Variants in FRMPD4 observed in about 807,000 individuals in gnomAD.
FRMPD4 encodes the protein FERM and PDZ domain-containing protein 4.
A neutral mutation model predicts 94.1 loss-of-function variants in FRMPD4; 22 were observed. That is an observed-to-expected ratio of 0.23 (90% CI 0.17 to 0.33). The LOEUF (loss-of-function observed/expected upper bound fraction) is 0.33. Ranked by LOEUF, FRMPD4 falls within the 10% of genes least tolerant of loss-of-function variation. The pLI is 1.00. For synonymous variants in FRMPD4, 631 were observed against 548.6 expected (o/e 1.15, Z -2.10); for missense variants, 1,111 against 1,339.9 (o/e 0.83, Z 2.67).
intron 2 of FRMPD4, among the ~76,000 whole-genome samples, chrX:12,501,942 A>G (rs931951423): frequency 1.8e-5 from 2 of 112,091 alleles, no homozygotes; most frequent in African/African-American, 6.5e-5. Flanking sequence ...CTATAGAGTT[A>G]CTGATTCACG....
chrX:12,590,088 C>T (rs2058967921), intron 2 of FRMPD4, among the ~76,000 whole-genome samples: 1 of 112,437 alleles, frequency 8.9e-6, no homozygotes, highest in East Asian at 2.8e-4. Flanking sequence ...TAACTTTCAT[C>T]TGGTGTTTGT....
chrX:11,910,149 T>G (rs2147336068), intron 3 of FRMPD4, among the ~76,000 whole-genome samples: 1 of 111,747 alleles, frequency 8.9e-6, no homozygotes, highest in East Asian at 2.8e-4. Context: ...ATTTCAAGAA[T>G]CTTAATATTT....
Position 12,721,461 on chromosome X carries a change from G to A in FRMPD4, c.4892G>A (p.Arg1631His), listed in dbSNP as rs2042238432. The A allele has an allele frequency of 1.3e-6, 1 of 754,976 alleles. No homozygotes were observed. The highest frequency in any genetic ancestry group is 1.6e-6 in the Non-Finnish European group (1 of 638,566). 62.2% of individuals were successfully genotyped at this position (754,976 alleles called of 1,213,427 possible). Reference protein sequence around the residue: ...RATKEKREESRPEAYDLTLSQ... With the variant: ...RATKEKREESHPEAYDLTLSQ... Reference sequence around the variant, plus strand: ...ACCAAGGAGAAGAGGGAGGAGTCACGCCCTGAAGCGTACGACCTTACACTT... The same window carrying A: ...ACCAAGGAGAAGAGGGAGGAGTCACACCCTGAAGCGTACGACCTTACACTT... The change falls in exon 17 of 17, where the codon CGC (arginine) becomes CAC (histidine). Residue 1631 changes from arginine (R) to histidine (H), a missense_variant. Coordinates refer to ENST00000675598, the MANE Select transcript of FRMPD4 (RefSeq NM_001368397.1).
chrX:12,542,284 C>T (rs181613901), intron 2 of FRMPD4, among the ~76,000 whole-genome samples: 6 of 111,453 alleles, frequency 5.4e-5, no homozygotes, highest in Admixed American at 9.5e-5. Context: ...AATTAGGAAA[C>T]GAGGAAGTCA....
intron 1 of FRMPD4, among the ~76,000 whole-genome samples, chrX:12,424,404 C>G (rs1569271035): frequency 8.9e-6 from 1 of 112,591 alleles, no homozygotes; most frequent in East Asian, 2.8e-4. Flanking sequence ...TTTCATATTT[C>G]TCAAGAAGCT....
intron 3 of FRMPD4, among the ~76,000 whole-genome samples, chrX:11,895,430 A>G (rs1303026003): frequency 9.0e-6 from 1 of 111,503 alleles, no homozygotes; most frequent in Non-Finnish European, 1.9e-5. Context: ...ACTGTTAGGA[A>G]GAGTGAATGA....
intron 1 of FRMPD4, among the ~76,000 whole-genome samples, chrX:11,826,447 A>C (rs181692936): frequency 1.8e-5 from 2 of 111,700 alleles, no homozygotes; most frequent in Non-Finnish European, 3.8e-5. Flanking sequence ...AGGGGGCGAA[A>C]AGACATTAGG....
chrX:12,092,716 A>G (rs1288373510), intron 3 of FRMPD4, among the ~76,000 whole-genome samples: 2 of 111,819 alleles, frequency 1.8e-5, no homozygotes, highest in Non-Finnish European at 3.8e-5. Flanking sequence ...TCCAACGAAC[A>G]TTACTGAGCC....
At chrX:12,343,450 T>C (rs1489790565) in intron 1 of FRMPD4, among the ~76,000 whole-genome samples, 1 of 110,068 alleles carries the variant, frequency 9.1e-6, no homozygotes, top group Non-Finnish European at 1.9e-5. Context: ...AAGAAAGAGG[T>C]CAGGCCTATA....
At chrX:12,392,081 T>C (rs1312828915) in intron 1 of FRMPD4, among the ~76,000 whole-genome samples, 1 of 109,774 alleles carries the variant, frequency 9.1e-6, no homozygotes, top group Non-Finnish European at 1.9e-5. Flanking sequence ...TCGCCCAGGC[T>C]GCAGTGCAGT....
intron 1 of FRMPD4, among the ~76,000 whole-genome samples, chrX:12,471,807 G>A (rs762085157): frequency 3.7e-4 from 42 of 112,194 alleles, no homozygotes; most frequent in African/African-American, 1.3e-3. Context: ...CTCTTGACAA[G>A]TGTCTCACAT....
At chrX:12,143,943 T>G (rs958663746) in intron 1 of FRMPD4, among the ~76,000 whole-genome samples, 1 of 112,055 alleles carries the variant, frequency 8.9e-6, no homozygotes, top group African/African-American at 3.2e-5. Flanking sequence ...CTGATATTTT[T>G]GGGGAGCTGG....
rs971348669 is a variant in FRMPD4 at position 12,063,529 on chromosome X, A to G, written c.95+185511A>G. Among the ~76,000 whole-genome samples the G allele has an allele frequency of 6.2e-5, 7 of 112,970 alleles. No individual in the cohort carries two copies. In the Admixed American group the frequency reaches 6.5e-4, roughly 11 times the overall value. ...AACAGAGTAATGCAATTAAATCCATATATACATTTTAAAATAATGATTGCA... is the reference window on the plus strand; with the variant it reads ...AACAGAGTAATGCAATTAAATCCATGTATACATTTTAAAATAATGATTGCA... On this transcript the variant is annotated intron_variant, in intron 3 of 18. Coordinates refer to the FRMPD4 transcript ENST00000640291.
At chrX:12,594,542 TCTC>T (rs1390473856) in intron 2 of FRMPD4, among the ~76,000 whole-genome samples, 1 of 110,609 alleles carries the variant, frequency 9.0e-6, no homozygotes, top group Non-Finnish European at 1.9e-5. Context: ...TTCACACCGT[TCTC>T]CTGCCTCAGC....
intron 1 of FRMPD4, among the ~76,000 whole-genome samples, chrX:12,321,517 G>A (rs1380872385): frequency 8.9e-6 from 1 of 112,125 alleles, no homozygotes; most frequent in Admixed American, 9.5e-5. Flanking sequence ...CCCAACTGTA[G>A]GCTAATGTAA....
At chrX:12,584,208 C>G (rs1257320268) in intron 2 of FRMPD4, among the ~76,000 whole-genome samples, 1 of 112,482 alleles carries the variant, frequency 8.9e-6, no homozygotes, top group African/African-American at 3.2e-5. Context: ...TCTGGCTCGT[C>G]TCTAAATAAA....
At chrX:12,589,824 C>A (rs2058965305) in intron 2 of FRMPD4, among the ~76,000 whole-genome samples, 2 of 111,709 alleles carry the variant, frequency 1.8e-5, no homozygotes, top group Admixed American at 1.9e-4. Flanking sequence ...TTTCTTTTTT[C>A]TTTCCTTCAC....
chrX:12,671,342 C>A (rs2059840737), intron 4 of FRMPD4, among the ~76,000 whole-genome samples: 1 of 111,705 alleles, frequency 9.0e-6, no homozygotes, highest in African/African-American at 3.3e-5. Flanking sequence ...ACCCAAATGC[C>A]CATCAATGAT....
At chrX:12,091,953 A>G (rs2055157123) in intron 3 of FRMPD4, among the ~76,000 whole-genome samples, 1 of 111,861 alleles carries the variant, frequency 8.9e-6, no homozygotes, top group East Asian at 2.8e-4. Context: ...CCAAATAACA[A>G]CAACGATGAT....
Sources: gnomAD v4.1 joint callset for allele counts (sites outside exome capture counted in the v4.1 genomes callset) on GRCh38, gnomAD v4.1.1 for gene constraint, MANE v1.5 for transcripts, NCBI Gene and HGNC (gene_info 2026-07-23, HGNC 2026-07-21) for gene names.